The following CHCHD3 variants were observed in gnomAD, a reference collection of about 807,000 sequenced individuals.
The protein encoded by CHCHD3 is MICOS complex subunit MIC19.
In CHCHD3, 20 loss-of-function variants were observed where a neutral mutation model predicts 38.2. The observed-to-expected ratio is 0.52, with a 90% CI of 0.37 to 0.76. CHCHD3 has a LOEUF of 0.76. Ranked by LOEUF, CHCHD3 falls within the 30% of genes least tolerant of loss-of-function variation. The pLI is 0.00. For synonymous variants in CHCHD3, 82 were observed against 100.0 expected, an observed-to-expected ratio of 0.82 and a Z score of 1.07; for missense variants, 245 against 279.2, an observed-to-expected ratio of 0.88 and a Z score of 0.87.
At chr7:132,824,893 C>T (rs1400495976) in intron 6 of CHCHD3, among the ~76,000 whole-genome samples, 2 of 152,196 alleles carry the variant, frequency 1.3e-5, no homozygotes, top group African/African-American at 4.8e-5. Context: ...GGATTCCGAA[C>T]CTCCTAGTCC....
At chr7:132,977,651 T>C (rs1811804684) in intron 3 of CHCHD3, among the ~76,000 whole-genome samples, 1 of 152,218 alleles carries the variant, frequency 6.6e-6, no homozygotes, top group Admixed American at 6.5e-5. Context: ...TTTACAAACA[T>C]ATATAAAATG....
chr7:132,834,977 TTTATTTATTTAG>T (rs888016293), intron 6 of CHCHD3, among the ~76,000 whole-genome samples: 1 of 127,182 alleles, frequency 7.9e-6, no homozygotes, highest in African/African-American at 2.6e-5. Context: ...TATTTATTTA[TTTATTTATTTAG>T]AGACAGGGTC....
chr7:133,032,886 GA>G (rs1813540258), intron 2 of CHCHD3, among the ~76,000 whole-genome samples: 1 of 152,092 alleles, frequency 6.6e-6, no homozygotes, highest in Admixed American at 6.6e-5. Flanking sequence ...TTTCAAAAAT[GA>G]TTATATTTTG....
At chr7:133,022,198 G>A (rs140898363) in intron 3 of CHCHD3, among the ~76,000 whole-genome samples, 64 of 152,186 alleles carry the variant, frequency 4.2e-4, no homozygotes, top group Middle Eastern at 3.4e-3. Context: ...AGTCCTTCTC[G>A]AACAAGTTTC....
chr7:133,036,925 T>G (rs1201143305), intron 2 of CHCHD3, among the ~76,000 whole-genome samples: 2 of 152,186 alleles, frequency 1.3e-5, no homozygotes, highest in Admixed American at 1.3e-4. Context: ...TTTTTTAACC[T>G]ACAGAAAAGA....
intron 4 of CHCHD3, among the ~76,000 whole-genome samples, chr7:132,966,114 A>G (rs1479412275): frequency 1.3e-5 from 2 of 152,202 alleles, no homozygotes; most frequent in Admixed American, 1.3e-4. Flanking sequence ...ATCTAAAATG[A>G]CTCATTTTTC....
At chr7:132,995,584 G>T (rs1812392585) in intron 3 of CHCHD3, among the ~76,000 whole-genome samples, 1 of 152,208 alleles carries the variant, frequency 6.6e-6, no homozygotes, top group Non-Finnish European at 1.5e-5. Flanking sequence ...ACCTGAAATT[G>T]AAGTGCATTT....
chr7:132,901,297 T>C (rs1174048126), intron 4 of CHCHD3, among the ~76,000 whole-genome samples: 1 of 152,192 alleles, frequency 6.6e-6, no homozygotes, highest in East Asian at 1.9e-4. Context: ...AAAGAAGTCT[T>C]AGAAGGGAGC....
chr7:132,969,907 A>AGG (rs1438666558), intron 4 of CHCHD3, among the ~76,000 whole-genome samples: 1 of 152,210 alleles, frequency 6.6e-6, no homozygotes, highest in Non-Finnish European at 1.5e-5. Context: ...TCGACCATAA[A>AGG]GGGATAGGAG....
At chr7:132,820,246 T>C (rs896158320) in intron 6 of CHCHD3, among the ~76,000 whole-genome samples, 2 of 152,226 alleles carry the variant, frequency 1.3e-5, no homozygotes, top group African/African-American at 4.8e-5. Context: ...GCAGCCATCA[T>C]CCTTGGCCCC....
chr7:133,079,229 A>G (rs1435321303), intron 1 of CHCHD3, among the ~76,000 whole-genome samples: 1 of 152,236 alleles, frequency 6.6e-6, no homozygotes, highest in African/African-American at 2.4e-5. Context: ...GAACAGCTCT[A>G]ATAACAGCTA....
At chr7:132,866,951 G>A (rs923598152) in intron 5 of CHCHD3, among the ~76,000 whole-genome samples, 1 of 152,160 alleles carries the variant, frequency 6.6e-6, no homozygotes, top group African/African-American at 2.4e-5. Context: ...TTGGGTCCCT[G>A]CTCACGTAGC....
At position 132,972,932 on chromosome 7, in the gene CHCHD3, ATTTAT is replaced by A. The variant is rs1811648009; in HGVS notation, c.369+2232_369+2236del. ...GCAGTAAAGACAGACAATAGACAAG[ATTTAT>A]TAGGTAAAACAGAACAGACTGCAGA... On this transcript the variant is annotated intron_variant, in intron 4 of 7. Transcript: ENST00000262570. 4.1e-6 allele frequency: 4 copies of A among 985,344 alleles called. No individual in the cohort carries two copies. The South Asian group carries it at 1.4e-4, about 35-fold the overall frequency. 61.0% of individuals were successfully genotyped at this position (985,344 alleles called of 1,614,324 possible).
chr7:132,867,615 T>C (rs147655576), intron 5 of CHCHD3, among the ~76,000 whole-genome samples: 119 of 152,298 alleles, frequency 7.8e-4, no homozygotes, highest in East Asian at 3.5e-3. Context: ...AAGTTACTAA[T>C]ACAATAATAG....
At chr7:132,849,875 C>T (rs1400693304) in intron 5 of CHCHD3, among the ~76,000 whole-genome samples, 1 of 152,126 alleles carries the variant, frequency 6.6e-6, no homozygotes, top group African/African-American at 2.4e-5. Flanking sequence ...TGTTAGGGTG[C>T]TGCAATGGAA....
intron 5 of CHCHD3, among the ~76,000 whole-genome samples, chr7:132,840,749 G>C (rs1807919182): frequency 6.6e-6 from 1 of 152,064 alleles, no homozygotes; most frequent in South Asian, 2.1e-4. Context: ...ATTCTAAATG[G>C]TAAAAAGTAA....
At chr7:132,858,002 T>C (rs748236447) in intron 5 of CHCHD3, among the ~76,000 whole-genome samples, 1 of 152,220 alleles carries the variant, frequency 6.6e-6, no homozygotes, top group Non-Finnish European at 1.5e-5. Flanking sequence ...TATTCCTCTA[T>C]GCTGAGACGC....
At chr7:132,934,628 A>T (rs1264969329) in intron 4 of CHCHD3, among the ~76,000 whole-genome samples, 1 of 152,184 alleles carries the variant, frequency 6.6e-6, no homozygotes, top group Non-Finnish European at 1.5e-5. Context: ...CTAGAGCCTG[A>T]AACAGGGCCA....
chr7:133,050,222 A>G (rs1814114816), intron 2 of CHCHD3, among the ~76,000 whole-genome samples: 1 of 151,894 alleles, frequency 6.6e-6, no homozygotes, highest in Non-Finnish European at 1.5e-5. Context: ...GCATGTCTGT[A>G]ATCCCAGCTA....
Sources: allele counts gnomAD v4.1 joint callset (sites outside exome capture counted in the v4.1 genomes callset), GRCh38; gene constraint gnomAD v4.1.1; transcripts MANE v1.5; gene names NCBI Gene and HGNC (gene_info 2026-07-23, HGNC 2026-07-21).